The following RNF150 variants were observed in gnomAD, a reference collection of about 807,000 sequenced individuals.
RNF150 encodes ring finger protein 150.
Under a neutral mutation model 39.3 loss-of-function variants are expected in RNF150, and 24 were observed. The observed-to-expected ratio is 0.61, with a 90% CI of 0.44 to 0.86. The LOEUF (loss-of-function observed/expected upper bound fraction) is 0.86, where lower values mean the gene tolerates loss of function less well. Ranked by LOEUF, RNF150 falls within the 40% of genes least tolerant of loss-of-function variation. The pLI, the probability that RNF150 is intolerant of heterozygous loss-of-function variation, is 0.00. For missense variants in RNF150, 502 were observed against 587.8 expected (o/e 0.85, Z 1.51); for synonymous variants, 255 against 227.3 (o/e 1.12, Z -1.10).
chr4:141,054,081 T>C (rs1373174716), intron 1 of RNF150, among the ~76,000 whole-genome samples: 1 of 152,218 alleles, frequency 6.6e-6, no homozygotes, highest in Non-Finnish European at 1.5e-5. Flanking sequence ...TCTTATTATT[T>C]TCATATTTTC....
chr4:140,865,127 A>G lies in RNF150; in HGVS notation c.*3134T>C, dbSNP rs1415045703. ...ACTATCCAAATTGAGAGGTGCTGTGAGTGTAAAAGACACAATGGATTTAGA... is the reference window on the plus strand; with the variant it reads ...ACTATCCAAATTGAGAGGTGCTGTGGGTGTAAAAGACACAATGGATTTAGA... On this transcript the variant is annotated 3_prime_UTR_variant, in exon 7 of 7. Transcript: ENST00000515673. The G allele has an allele frequency of 6.6e-6, 1 of 152,224 alleles. No homozygotes were observed. The highest frequency in any genetic ancestry group is 1.5e-5 in the Non-Finnish European group (1 of 68,044). The allele number at this position is 152,224 out of a possible 1,614,324, so 9.4% of individuals were successfully genotyped here. A position where few individuals can be genotyped will look rare whatever the true frequency, so the allele number is the denominator to read the frequency against.
intron 1 of RNF150, among the ~76,000 whole-genome samples, chr4:140,978,645 C>T (rs1001660715): frequency 1.3e-5 from 2 of 152,018 alleles, no homozygotes; most frequent in Non-Finnish European, 2.9e-5. Flanking sequence ...TGACTTATTA[C>T]ATTATTGAGT....
At chr4:141,119,186 T>A (rs1257041705) in intron 1 of RNF150, among the ~76,000 whole-genome samples, 3 of 152,262 alleles carry the variant, frequency 2.0e-5, no homozygotes, top group Non-Finnish European at 2.9e-5. Context: ...CATAGTTCTC[T>A]CATTGCTCAA....
intron 6 of RNF150, among the ~76,000 whole-genome samples, chr4:140,876,613 A>G (rs1272271057): frequency 1.3e-5 from 2 of 152,210 alleles, no homozygotes; most frequent in African/African-American, 4.8e-5. Context: ...CTATGCCATT[A>G]AATATATCAC....
At chr4:140,999,653 G>A (rs1469134409) in intron 1 of RNF150, among the ~76,000 whole-genome samples, 1 of 152,088 alleles carries the variant, frequency 6.6e-6, no homozygotes, top group Non-Finnish European at 1.5e-5. Context: ...CACATTTCCA[G>A]GCCACGTGCG....
intron 1 of RNF150, among the ~76,000 whole-genome samples, chr4:141,015,584 T>A (rs1326986640): frequency 1.3e-5 from 2 of 152,176 alleles, no homozygotes; most frequent in Non-Finnish European, 2.9e-5. Flanking sequence ...ATGATGCTGA[T>A]TTTTGGGTGC....
chr4:141,143,599 A>C (rs1371206593), intron 1 of RNF150, among the ~76,000 whole-genome samples: 1 of 152,212 alleles, frequency 6.6e-6, no homozygotes, highest in Non-Finnish European at 1.5e-5. Flanking sequence ...ACGGCAAGTC[A>C]GTGGACTTCT....
At position 141,005,883 on chromosome 4, in the gene RNF150, A is replaced by G. The variant is rs376032564; in HGVS notation, c.485-38010T>C. Among the ~76,000 whole-genome samples the G allele has an allele frequency of 1.2e-4, 16 of 135,290 alleles. 1 individual carries two copies. Among genetic ancestry groups the G allele is most frequent in the African/African-American group, 4.5e-4 (16 of 35,884 alleles). The allele number at this position is 135,290 out of a possible 152,430, so 88.8% of individuals were successfully genotyped here. ...GGAGATCGAGACCATCCCGGCTAAA[A>G]CGGTGAAACCCCGTCTCTACTAAAA... On this transcript the variant is annotated intron_variant, in intron 1 of 6. Coordinates refer to ENST00000515673, the MANE Select transcript of RNF150 (RefSeq NM_020724.2).
chr4:140,945,625 ACTACATATATATAT>A (rs922057991), intron 4 of RNF150, among the ~76,000 whole-genome samples: 13 of 148,050 alleles, frequency 8.8e-5, no homozygotes, highest in Admixed American at 1.4e-4. Flanking sequence ...ACATATATAT[ACTACATATATATAT>A]GTAGTAACAT....
At chr4:141,212,513 T>C (rs987850955) in intron 1 of RNF150, among the ~76,000 whole-genome samples, 4 of 152,182 alleles carry the variant, frequency 2.6e-5, no homozygotes, top group Non-Finnish European at 4.4e-5. Flanking sequence ...GTGGTGTTTT[T>C]TATCTTTGAT....
intron 1 of RNF150, among the ~76,000 whole-genome samples, chr4:140,971,310 G>C (rs867808404): frequency 4.6e-5 from 7 of 152,044 alleles, no homozygotes; most frequent in Non-Finnish European, 1.0e-4. Flanking sequence ...TGCAAGCCCA[G>C]CACAGTGATC....
chr4:141,096,016 C>T (rs573157556), intron 1 of RNF150, among the ~76,000 whole-genome samples: 134 of 152,066 alleles, frequency 8.8e-4, no homozygotes, highest in African/African-American at 3.2e-3. Flanking sequence ...TAACAGTTAA[C>T]AGCAGTTACC....
At chr4:141,058,645 C>A (rs1737090022) in intron 1 of RNF150, among the ~76,000 whole-genome samples, 1 of 152,054 alleles carries the variant, frequency 6.6e-6, no homozygotes, top group African/African-American at 2.4e-5. Flanking sequence ...CTGTCCTACC[C>A]CTCGAATTCC....
At chr4:140,973,186 G>A (rs1449266297) in intron 1 of RNF150, among the ~76,000 whole-genome samples, 3 of 152,092 alleles carry the variant, frequency 2.0e-5, no homozygotes, top group Non-Finnish European at 4.4e-5. Context: ...ACAATTTAAT[G>A]TTGTCAATTA....
At chr4:141,108,986 C>T (rs1193928819) in intron 1 of RNF150, among the ~76,000 whole-genome samples, 1 of 152,030 alleles carries the variant, frequency 6.6e-6, no homozygotes, top group Non-Finnish European at 1.5e-5. Context: ...TGTATTAACC[C>T]CATCTATAAA....
intron 1 of RNF150, among the ~76,000 whole-genome samples, chr4:141,084,545 C>T (rs1738279023): frequency 6.6e-6 from 1 of 152,036 alleles, no homozygotes; most frequent in African/African-American, 2.4e-5. Flanking sequence ...ACACTTTTTT[C>T]CCCCAGCAAG....
chr4:141,185,080 C>T (rs940202810), intron 1 of RNF150, among the ~76,000 whole-genome samples: 1 of 151,854 alleles, frequency 6.6e-6, no homozygotes, highest in Non-Finnish European at 1.5e-5. Flanking sequence ...TCAATGGTAG[C>T]TTAATGAGAA....
At chr4:141,038,886 C>T (rs185144486) in intron 1 of RNF150, among the ~76,000 whole-genome samples, 18 of 152,120 alleles carry the variant, frequency 1.2e-4, no homozygotes, top group Middle Eastern at 3.4e-3. Flanking sequence ...GAACATGGCC[C>T]AGAGCAGATA....
chr4:140,878,375 C>A (rs945178342), intron 6 of RNF150, among the ~76,000 whole-genome samples: 1 of 151,886 alleles, frequency 6.6e-6, no homozygotes, highest in African/African-American at 2.4e-5. Context: ...TTTACCATAT[C>A]AGCCAGGCTG....
Sources: allele counts gnomAD v4.1 joint callset (sites outside exome capture counted in the v4.1 genomes callset), GRCh38; gene constraint gnomAD v4.1.1; transcripts MANE v1.5; gene names NCBI Gene and HGNC (gene_info 2026-07-23, HGNC 2026-07-21).